Variants in SLC35F4 observed in about 807,000 individuals in gnomAD.
SLC35F4 encodes the protein solute carrier family 35 member F4.
In SLC35F4, 24 loss-of-function variants were observed where a neutral mutation model predicts 44.2. That is an observed-to-expected ratio of 0.54 (90% CI 0.39 to 0.76). The LOEUF (loss-of-function observed/expected upper bound fraction) is 0.76, where lower values mean the gene tolerates loss of function less well. Ranked by LOEUF, SLC35F4 falls within the 30% of genes least tolerant of loss-of-function variation. The pLI is 0.00. For synonymous variants in SLC35F4, 238 were observed against 223.6 expected (o/e 1.06, Z -0.57); for missense variants, 562 against 586.1 (o/e 0.96, Z 0.42).
chr14:57,612,323 G>A (rs190975024), intron 1 of SLC35F4, among the ~76,000 whole-genome samples: 312 of 152,178 alleles, frequency 2.1e-3, no homozygotes, highest in Middle Eastern at 6.8e-3. Flanking sequence ...AACTTCCCAG[G>A]CTATTACAAG....
At position 57,891,291 on chromosome 14, in the gene SLC35F4, G is replaced by A. The variant is rs1462961199; in HGVS notation, n.282+90622C>T. On this transcript the variant is annotated intron_variant and non_coding_transcript_variant, in intron 1 of 1. Transcript: ENST00000556568. ...TTCATTAAGCATCTACTCGGTGCCTGGCAGTGTTTTATGCAGTTACAACAC... is the reference window on the plus strand; with the variant it reads ...TTCATTAAGCATCTACTCGGTGCCTAGCAGTGTTTTATGCAGTTACAACAC... Among the ~76,000 whole-genome samples the A allele has an allele frequency of 5.9e-5, 9 of 152,060 alleles. No homozygotes were observed. In the East Asian group the frequency reaches 9.6e-4, roughly 16 times the overall value.
chr14:57,820,901 T>C (rs145370067), intron 1 of SLC35F4, among the ~76,000 whole-genome samples: 2 of 152,348 alleles, frequency 1.3e-5, no homozygotes, highest in Admixed American at 6.5e-5. Flanking sequence ...ACTAATGCCT[T>C]GGAAGTGTCT....
chr14:57,888,256 A>T (rs1325716874), intron 1 of SLC35F4, among the ~76,000 whole-genome samples: 1 of 152,194 alleles, frequency 6.6e-6, no homozygotes, highest in African/African-American at 2.4e-5. Flanking sequence ...CAGGAAGCAA[A>T]TATAAGTTTG....
intron 1 of SLC35F4, among the ~76,000 whole-genome samples, chr14:57,779,741 A>T (rs1365607815): frequency 6.6e-6 from 1 of 152,218 alleles, no homozygotes; most frequent in African/African-American, 2.4e-5. Context: ...ACCATGATCA[A>T]GTAGGCTTTA....
chr14:57,914,485 C>T (rs1889278265), intron 1 of SLC35F4, among the ~76,000 whole-genome samples: 1 of 152,078 alleles, frequency 6.6e-6, no homozygotes, highest in South Asian at 2.1e-4. Flanking sequence ...ATGGCGTGAA[C>T]CCAGGAGACG....
intron 4 of SLC35F4, among the ~76,000 whole-genome samples, chr14:57,576,592 T>C (rs1272241160): frequency 1.3e-5 from 2 of 152,034 alleles, no homozygotes; most frequent in Admixed American, 1.3e-4. Context: ...GAAAACTTTC[T>C]TTTTTACTCA....
chr14:57,656,359 G>GTATA (rs71450330), intron 1 of SLC35F4, among the ~76,000 whole-genome samples: 54 of 136,422 alleles, frequency 4.0e-4, no homozygotes, highest in African/African-American at 7.9e-4. Context: ...TGTCCTTAGA[G>GTATA]TATATATATA....
intron 1 of SLC35F4, among the ~76,000 whole-genome samples, chr14:57,915,387 T>A (rs1889303327): frequency 6.6e-6 from 1 of 152,166 alleles, no homozygotes; most frequent in African/African-American, 2.4e-5. Flanking sequence ...GCCACACCCT[T>A]AATTTTCCCT....
chr14:57,869,235 A>C (rs184793201), upstream of SLC35F4, among the ~76,000 whole-genome samples: 212 of 152,156 alleles, frequency 1.4e-3, 1 homozygote, highest in African/African-American at 5.1e-3. Context: ...TCATTTGTAA[A>C]GTAGTTCATG....
At chr14:57,797,800 T>C (rs892858819) in intron 1 of SLC35F4, among the ~76,000 whole-genome samples, 1 of 152,170 alleles carries the variant, frequency 6.6e-6, no homozygotes, top group Non-Finnish European at 1.5e-5. Flanking sequence ...TCCCCTGTAA[T>C]AGTTTATATC....
intron 1 of SLC35F4, among the ~76,000 whole-genome samples, chr14:57,671,594 T>C (rs754633738): frequency 1.3e-5 from 2 of 151,718 alleles, no homozygotes; most frequent in South Asian, 2.1e-4. Flanking sequence ...CCAGGCACTA[T>C]ATCAAGGGCC....
chr14:57,831,638 C>T (rs997538559), intron 1 of SLC35F4, among the ~76,000 whole-genome samples: 7 of 152,160 alleles, frequency 4.6e-5, no homozygotes, highest in Non-Finnish European at 1.0e-4. Context: ...TCTCAAGCAG[C>T]AAGAGGGAAT....
At chr14:57,584,234 A>T (rs1035989464) in intron 3 of SLC35F4, among the ~76,000 whole-genome samples, 5 of 152,084 alleles carry the variant, frequency 3.3e-5, no homozygotes, top group Non-Finnish European at 7.4e-5. Context: ...AAATGATTAT[A>T]AAAAACTACT....
At chr14:57,565,807 T>C (rs2068178319) in intron 7 of SLC35F4, among the ~76,000 whole-genome samples, 1 of 152,190 alleles carries the variant, frequency 6.6e-6, no homozygotes, top group African/African-American at 2.4e-5. Context: ...CCTGATCACA[T>C]GATAAATATT....
chr14:57,720,995 T>TATATATATAC (rs1279317266), intron 1 of SLC35F4, among the ~76,000 whole-genome samples: 1 of 121,358 alleles, frequency 8.2e-6, no homozygotes, highest in Non-Finnish European at 1.8e-5. Context: ...TATATATATA[T>TATATATATAC]ATATATATAT....
chr14:57,855,069 T>C (rs1470541054), intron 1 of SLC35F4, among the ~76,000 whole-genome samples: 1 of 152,194 alleles, frequency 6.6e-6, no homozygotes, highest in Non-Finnish European at 1.5e-5. Flanking sequence ...TCTATTCATT[T>C]CCTCATAATT....
At chr14:57,667,585 T>C (rs1389370490) in intron 1 of SLC35F4, among the ~76,000 whole-genome samples, 2 of 150,838 alleles carry the variant, frequency 1.3e-5, no homozygotes, top group Admixed American at 1.3e-4. Flanking sequence ...ACATGCAGTG[T>C]TTGGTTTTTT....
At chr14:57,565,266 C>A (rs1262060086) in intron 7 of SLC35F4, among the ~76,000 whole-genome samples, 2 of 152,130 alleles carry the variant, frequency 1.3e-5, no homozygotes, top group African/African-American at 4.8e-5. Flanking sequence ...AGTTGTTGGT[C>A]ACACATGTAC....
intron 1 of SLC35F4, among the ~76,000 whole-genome samples, chr14:57,911,495 T>C (rs1305775263): frequency 1.3e-5 from 2 of 151,998 alleles, no homozygotes; most frequent in African/African-American, 4.8e-5. Context: ...TTATCATGAA[T>C]GGGTGTTGGA....
Sources: allele counts gnomAD v4.1 joint callset (sites outside exome capture counted in the v4.1 genomes callset), GRCh38; gene constraint gnomAD v4.1.1; transcripts MANE v1.5; gene names NCBI Gene and HGNC (gene_info 2026-07-23, HGNC 2026-07-21).